The following COL4A2 variants were observed in gnomAD, a reference collection of about 807,000 sequenced individuals.
COL4A2 encodes collagen alpha-2(IV) chain.
A neutral mutation model predicts 200.2 loss-of-function variants in COL4A2; 99 were observed. The observed-to-expected ratio is 0.49, with a 90% CI of 0.42 to 0.58. The LOEUF is 0.58. COL4A2 is among the 20% of genes least tolerant of loss of function. COL4A2 has a pLI of 0.00. For missense variants in COL4A2, 1,950 were observed against 2,314.1 expected (o/e 0.84, Z 3.23); for synonymous variants, 897 against 900.6 (o/e 1.00, Z 0.07).
chr13:110,335,814 AC>A (rs1328419405), intron 3 of COL4A2, among the ~76,000 whole-genome samples: 1 of 152,214 alleles, frequency 6.6e-6, no homozygotes, highest in Non-Finnish European at 1.5e-5. Context: ...AGTTTAAACT[AC>A]TTCACATATA....
At chr13:110,473,895 T>C (rs4773190) in intron 29 of COL4A2, among the ~76,000 whole-genome samples, 64,828 of 151,708 alleles carry the variant, frequency 0.43, 13,937 homozygotes, top group Middle Eastern at 0.52. Context: ...GAGGCCAAGG[T>C]AAGAGGATTG....
chr13:110,476,015 C>T (rs1268499868), intron 29 of COL4A2, among the ~76,000 whole-genome samples: 1 of 152,236 alleles, frequency 6.6e-6, no homozygotes, highest in Non-Finnish European at 1.5e-5. Flanking sequence ...CCGTGCTGTC[C>T]ACTTCCAGAA....
chr13:110,505,149 G>C (rs575987302), intron 45 of COL4A2, among the ~76,000 whole-genome samples: 4 of 151,598 alleles, frequency 2.6e-5, no homozygotes, highest in South Asian at 4.2e-4. Flanking sequence ...AGGAGATCGA[G>C]ACCATCCTGG....
chr13:110,415,581 C>G (rs181711494), intron 4 of COL4A2, among the ~76,000 whole-genome samples: 52 of 152,310 alleles, frequency 3.4e-4, no homozygotes, highest in Admixed American at 2.9e-3. Flanking sequence ...TTTGTATTAT[C>G]GTAGCGGAAC....
intron 3 of COL4A2, among the ~76,000 whole-genome samples, chr13:110,314,721 G>A (rs143962905): frequency 1.3e-5 from 2 of 152,292 alleles, no homozygotes; most frequent in South Asian, 2.1e-4. Context: ...GGAGGAGCCC[G>A]GTGCTGCCCA....
At chr13:110,315,969 G>T (rs905306956) in intron 3 of COL4A2, among the ~76,000 whole-genome samples, 12 of 149,246 alleles carry the variant, frequency 8.0e-5, no homozygotes, top group African/African-American at 3.0e-4. Flanking sequence ...TCTTACTGTG[G>T]GTTTTTTTTT....
intron 4 of COL4A2, among the ~76,000 whole-genome samples, chr13:110,413,577 C>T (rs1391983716): frequency 2.6e-5 from 4 of 152,210 alleles, no homozygotes; most frequent in Admixed American, 6.5e-5. Context: ...CTGGCCCAAC[C>T]GCTAGGCACT....
chr13:110,387,939 G>A (rs942346487), intron 4 of COL4A2, among the ~76,000 whole-genome samples: 3 of 152,190 alleles, frequency 2.0e-5, no homozygotes, highest in East Asian at 1.9e-4. Context: ...TTGAGGGTGT[G>A]TTTTCCCTCC....
In COL4A2 at chr13:110,355,909, G is replaced by A. The variant is rs192707167; in HGVS notation, c.100-1563G>A. 7.0e-4 allele frequency among the ~76,000 whole-genome samples: 107 copies of A among 151,946 alleles called. 5 individuals carry two copies. The highest frequency in any genetic ancestry group is 1.8e-3 in the Admixed American group (27 of 15,254). The stretch of plus-strand genomic sequence containing the variant: ...CTGCACTAGGTCACCTGTATAGGGC[G>A]GAGGGCAGCACTGGCTCACCTGTGG... On this transcript the variant is annotated intron_variant, in intron 3 of 47. Coordinates refer to ENST00000360467, the MANE Select transcript of COL4A2 (RefSeq NM_001846.4).
intron 39 of COL4A2, 65 bp from the exon 40 acceptor site, chr13:110,495,276 CA>C: frequency 6.2e-7 from 1 of 1,604,200 alleles, no homozygotes; most frequent in South Asian, 1.1e-5. Context: ...GCTGTTCTTT[CA>C]CTTAGGAAAG....
chr13:110,459,084 A>C, intron 22 of COL4A2, 150 bp downstream of exon 22: 6 of 753,460 alleles, frequency 8.0e-6, no homozygotes, highest in Non-Finnish European at 1.2e-5. Context: ...AAAAACCCAC[A>C]TACCCCAAGG....
intron 3 of COL4A2, among the ~76,000 whole-genome samples, chr13:110,340,746 A>G (rs1200718081): frequency 1.3e-5 from 2 of 152,074 alleles, no homozygotes; most frequent in Non-Finnish European, 2.9e-5. Flanking sequence ...AGCTCACTCT[A>G]TGTCCTTGGC....
intron 28 of COL4A2, 43 bp from the exon 29 acceptor site, chr13:110,472,886 C>G (rs2139512538): frequency 6.5e-7 from 1 of 1,526,956 alleles, no homozygotes; most frequent in East Asian, 2.5e-5. Flanking sequence ...AGAACGTCAC[C>G]ATGCTAACTT....
intron 3 of COL4A2, among the ~76,000 whole-genome samples, chr13:110,309,482 G>T (rs577204366): frequency 2.0e-5 from 3 of 152,332 alleles, no homozygotes; most frequent in South Asian, 2.1e-4. Flanking sequence ...GCACGCGCAC[G>T]CACGCACACT....
At position 110,504,156 on chromosome 13, in the gene COL4A2, G is replaced by A. The variant is rs1201468274; in HGVS notation, c.4294G>A (p.Gly1432Arg). Residue 1432 changes from glycine (G) to arginine (R), a missense_variant, in exon 45 of 48, where the codon GGG (glycine) becomes AGG (arginine). By Grantham distance (125) the Gly-to-Arg change is moderately radical. Around this residue, in one of 2 missense-constraint regions of COL4A2, gnomAD observed 1,385 missense variants for 1,720.5 expected, o/e 0.80. Transcript: ENST00000360467. ...QGPPGEPGFRGAPGKAGPQGR... is the reference protein window; with the variant it reads ...QGPPGEPGFRRAPGKAGPQGR... ...TCTTTGGTGGCTTGCAGGTTTCCGT[G>A]GGGCTCCAGGGAAAGCTGGGCCCCA... 1.2e-6 allele frequency: 2 copies of A among 1,614,062 alleles called. No homozygotes were observed. The highest frequency in any genetic ancestry group is 1.7e-6 in the Non-Finnish European group (2 of 1,179,966).
At chr13:110,309,104 C>G (rs939198223) in intron 3 of COL4A2, among the ~76,000 whole-genome samples, 6 of 152,220 alleles carry the variant, frequency 3.9e-5, no homozygotes, top group African/African-American at 1.4e-4. Flanking sequence ...CAAACGTGTT[C>G]ATGATTTCAT....
At chr13:110,470,397 C>T (rs1882422249) in intron 28 of COL4A2, among the ~76,000 whole-genome samples, 1 of 152,106 alleles carries the variant, frequency 6.6e-6, no homozygotes, top group East Asian at 1.9e-4. Flanking sequence ...GAAAGTTCCT[C>T]CCTGGAATAC....
chr13:110,390,060 C>T (rs958835740), intron 4 of COL4A2, among the ~76,000 whole-genome samples: 1 of 152,174 alleles, frequency 6.6e-6, no homozygotes, highest in African/African-American at 2.4e-5. Flanking sequence ...TGAAGACTCT[C>T]AGTGTTAACG....
intron 47 of COL4A2, among the ~76,000 whole-genome samples, chr13:110,511,650 G>A (rs1017277429): frequency 6.6e-6 from 1 of 152,184 alleles, no homozygotes; most frequent in Non-Finnish European, 1.5e-5. Context: ...CTGCTGTCAC[G>A]GCTCTAGTTC....
Sources: gnomAD v4.1 joint callset for allele counts (sites outside exome capture counted in the v4.1 genomes callset) on GRCh38, gnomAD v4.1.1 for gene constraint, gnomAD v4.1.1 regional missense constraint, MANE v1.5 for transcripts, NCBI Gene and HGNC (gene_info 2026-07-23, HGNC 2026-07-21) for gene names.